The following BORCS5 variants were observed in gnomAD, a reference collection of about 807,000 sequenced individuals.
BORCS5 encodes BLOC-1-related complex subunit 5.
Under a neutral mutation model 22.1 loss-of-function variants are expected in BORCS5, and 17 were observed. That is an observed-to-expected ratio of 0.77 (90% confidence interval 0.53 to 1.15). BORCS5 has a LOEUF of 1.15. Among genes scored for constraint, BORCS5 ranks in the 50% most tolerant of loss-of-function variants. The probability of loss-of-function intolerance (pLI) is 0.00; values close to 1 mark genes in which losing one functional copy is unlikely to be tolerated. For synonymous variants in BORCS5, 117 were observed against 99.8 expected, an observed-to-expected ratio of 1.17 and a Z score of -1.03; for missense variants, 247 against 253.2, an observed-to-expected ratio of 0.98 and a Z score of 0.17.
intron 2 of BORCS5, among the ~76,000 whole-genome samples, chr12:12,371,999 T>C (rs1453013857): frequency 6.6e-6 from 1 of 152,216 alleles, no homozygotes; most frequent in African/African-American, 2.4e-5. Context: ...ATCATGCTTA[T>C]GTTTTCCTCT....
intron 3 of BORCS5, among the ~76,000 whole-genome samples, chr12:12,438,374 A>AAAAAAAAAAAAAAACAAAAAAC (rs1555156024): frequency 8.0e-6 from 1 of 125,046 alleles, no homozygotes; most frequent in Non-Finnish European, 1.6e-5. Flanking sequence ...AAAAAAAAAA[A>AAAAAAAAAAAAAAACAAAAAAC]AAAAAACGAA....
chr12:12,400,496 A>C (rs1941442600), intron 2 of BORCS5, among the ~76,000 whole-genome samples: 1 of 152,080 alleles, frequency 6.6e-6, no homozygotes, highest in Non-Finnish European at 1.5e-5. Flanking sequence ...AGCAGGGTTT[A>C]AGAAACTGCT....
intron 2 of BORCS5, among the ~76,000 whole-genome samples, chr12:12,411,936 T>C (rs1941746097): frequency 6.6e-6 from 1 of 152,148 alleles, no homozygotes; most frequent in Non-Finnish European, 1.5e-5. Context: ...TCATATGACT[T>C]TATATGTGAG....
At chr12:12,434,030 T>C (rs1382990378) in intron 2 of BORCS5, among the ~76,000 whole-genome samples, 1 of 151,970 alleles carries the variant, frequency 6.6e-6, no homozygotes, top group African/African-American at 2.4e-5. Flanking sequence ...AGATGAGCTT[T>C]GGCCAGGTGA....
intron 3 of BORCS5, among the ~76,000 whole-genome samples, chr12:12,465,018 C>T (rs1382441600): frequency 6.6e-6 from 1 of 152,142 alleles, no homozygotes. Flanking sequence ...GTCGCCCAGG[C>T]TGGAGTGCAG....
At chr12:12,369,665 A>G (rs1430342738) in intron 2 of BORCS5, among the ~76,000 whole-genome samples, 1 of 148,666 alleles carries the variant, frequency 6.7e-6, no homozygotes, top group South Asian at 2.1e-4. Flanking sequence ...CACTTCATGT[A>G]AAATGTAGGA....
chr12:12,374,590 C>G (rs1863606253), intron 2 of BORCS5, among the ~76,000 whole-genome samples: 1 of 151,948 alleles, frequency 6.6e-6, no homozygotes, highest in Non-Finnish European at 1.5e-5. Context: ...GTTCATAGCG[C>G]TGTACTCCAG....
At chr12:12,395,540 GC>G (rs1941317399) in intron 2 of BORCS5, among the ~76,000 whole-genome samples, 1 of 150,692 alleles carries the variant, frequency 6.6e-6, no homozygotes, top group South Asian at 2.1e-4. Flanking sequence ...ACCTGCCTTG[GC>G]CTCCCAGCGT....
chr12:12,379,166 C>T (rs1444554705), intron 2 of BORCS5, among the ~76,000 whole-genome samples: 2 of 148,168 alleles, frequency 1.3e-5, no homozygotes, highest in African/African-American at 2.5e-5. Context: ...GTTGCCCAGG[C>T]TTGGAGTGCA....
intron 2 of BORCS5, among the ~76,000 whole-genome samples, chr12:12,418,677 A>T (rs1038379360): frequency 6.6e-6 from 1 of 151,548 alleles, no homozygotes; most frequent in Non-Finnish European, 1.5e-5. Flanking sequence ...ACAGCGTGAG[A>T]CTCTCTTTCA....
chr12:12,440,002 A>C (rs1592129832), intron 3 of BORCS5, among the ~76,000 whole-genome samples: 3 of 152,362 alleles, frequency 2.0e-5, no homozygotes, highest in Non-Finnish European at 4.4e-5. Flanking sequence ...ATGAGGAAGT[A>C]ACATAATGCT....
intron 2 of BORCS5, among the ~76,000 whole-genome samples, chr12:12,383,300 C>T (rs1863813970): frequency 6.6e-6 from 1 of 151,204 alleles, no homozygotes; most frequent in Non-Finnish European, 1.5e-5. Context: ...CTTTTTTGTG[C>T]TATTATTCTC....
At position 12,393,726 on chromosome 12, in the gene BORCS5, G is replaced by A. The variant is rs1296485745; in HGVS notation, c.202+32377G>A. 6.7e-4 allele frequency among the ~76,000 whole-genome samples: 6 copies of A among 8,952 alleles called. No individual in the cohort carries two copies. In the Admixed American group the frequency reaches 0.012, roughly 17 times the overall value. The allele number at this position is 8,952 out of a possible 152,430, so 5.9% of individuals were successfully genotyped here. ...GTAGAGGCGGGGTTTCACCATGTTG[G>A]CCAGGCTGTTCTTGAACTCCTGACT... On this transcript the variant is annotated intron_variant, in intron 2 of 3. Transcript: ENST00000314565.
intron 3 of BORCS5, among the ~76,000 whole-genome samples, chr12:12,451,866 C>A (rs571776830): frequency 6.7e-6 from 1 of 149,650 alleles, no homozygotes; most frequent in Non-Finnish European, 1.5e-5. Flanking sequence ...TGCAGTGAGC[C>A]GAGATCGCAC....
intron 2 of BORCS5, among the ~76,000 whole-genome samples, chr12:12,398,395 G>C (rs1001302909): frequency 3.6e-4 from 55 of 152,118 alleles, no homozygotes; most frequent in African/African-American, 1.3e-3. Flanking sequence ...AGAATGAGCT[G>C]CTTGCTACAA....
At chr12:12,457,072 T>C (rs1163521726) in intron 3 of BORCS5, among the ~76,000 whole-genome samples, 1 of 152,214 alleles carries the variant, frequency 6.6e-6, no homozygotes, top group Non-Finnish European at 1.5e-5. Context: ...TAAAAGAGGT[T>C]TCTAGACAGA....
At chr12:12,456,304 G>A (rs1198916312) in intron 3 of BORCS5, among the ~76,000 whole-genome samples, 2 of 152,198 alleles carry the variant, frequency 1.3e-5, no homozygotes, top group Non-Finnish European at 2.9e-5. Context: ...GGTGGCATGT[G>A]CCTGTAGTCT....
chr12:12,379,448 T>A lies in BORCS5; in HGVS notation c.202+18099T>A, dbSNP rs114047738. The stretch of plus-strand genomic sequence containing the variant: ...TTTCTTTAACTTCTTTTGCTTTTTT[T>A]AAACTTCTTATTCAAAAATAGTAAG... On this transcript the variant is annotated intron_variant, in intron 2 of 3. Coordinates refer to ENST00000314565, the MANE Select transcript of BORCS5 (RefSeq NM_058169.6). Among the ~76,000 whole-genome samples the A allele has an allele frequency of 7.5e-3, 1,141 of 151,722 alleles. 46 individuals are homozygous for A. The highest frequency in any genetic ancestry group is 0.027 in the African/African-American group (1,117 of 41,336).
At chr12:12,443,037 T>C (rs897208933) in intron 3 of BORCS5, among the ~76,000 whole-genome samples, 1 of 152,248 alleles carries the variant, frequency 6.6e-6, no homozygotes, top group Non-Finnish European at 1.5e-5. Flanking sequence ...CTGTCTGAAC[T>C]GGCATTAGCA....
Sources: allele counts gnomAD v4.1 joint callset (sites outside exome capture counted in the v4.1 genomes callset), GRCh38; gene constraint gnomAD v4.1.1; transcripts MANE v1.5; gene names NCBI Gene and HGNC (gene_info 2026-07-23, HGNC 2026-07-21).